NELL1: variants seen among roughly 807,000 people sequenced by gnomAD.
The protein encoded by NELL1 is neural EGFL like 1, also known as protein kinase C-binding protein NELL1.
Under a neutral mutation model 107.4 loss-of-function variants are expected in NELL1, and 76 were observed. That is an observed-to-expected ratio of 0.71 (90% CI 0.59 to 0.86). The LOEUF (loss-of-function observed/expected upper bound fraction) is 0.86. NELL1 is among the 40% of genes least tolerant of loss of function. NELL1 has a pLI of 0.00. For synonymous variants in NELL1, 353 were observed against 341.2 expected (o/e 1.03, Z -0.38); for missense variants, 1,024 against 1,005.5 (o/e 1.02, Z -0.25).
chr11:21,098,941 A>AT (rs5790160), intron 12 of NELL1, among the ~76,000 whole-genome samples: 38,863 of 151,684 alleles, frequency 0.26, 5,428 homozygotes, highest in South Asian at 0.37. Context: ...TGATCTCAGC[A>AT]TTTTTTAACC....
chr11:20,715,059 T>C (rs569518079), intron 2 of NELL1, among the ~76,000 whole-genome samples: 291 of 151,984 alleles, frequency 1.9e-3, no homozygotes, highest in East Asian at 8.9e-3. Flanking sequence ...CTGGCTAACA[T>C]GGTGAAACCC....
chr11:21,503,209 C>T (rs532064832), intron 15 of NELL1, among the ~76,000 whole-genome samples: 3 of 152,214 alleles, frequency 2.0e-5, no homozygotes, highest in Admixed American at 6.5e-5. Flanking sequence ...ACTTTGTTCG[C>T]AAAGACAGAA....
rs1045749313 is a variant in NELL1 at position 21,061,992 on chromosome 11, A to T, written c.1301-51597A>T. On this transcript the variant is annotated intron_variant, in intron 12 of 19. Transcript: ENST00000357134. ...GTGAGTTAGGCAGGACTTGCCTCAG[A>T]CCATACATTCTCCAGATTGTCTACT... is the stretch of plus-strand genomic sequence containing the variant. Among the ~76,000 whole-genome samples the T allele has an allele frequency of 2.6e-5, 4 of 152,252 alleles. No individual in the cohort carries two copies. The East Asian group carries it at 7.7e-4, about 29-fold the overall frequency.
chr11:20,860,005 A>T (rs1848950621), intron 4 of NELL1, among the ~76,000 whole-genome samples: 1 of 152,156 alleles, frequency 6.6e-6, no homozygotes, highest in African/African-American at 2.4e-5. Context: ...GCTTACAAAA[A>T]TTGTGTATAG....
chr11:21,046,677 ATTATTTATTTATTTATTTAT>A lies in NELL1; in HGVS notation c.1301-66891_1301-66872del, dbSNP rs34098589. On this transcript the variant is annotated intron_variant, in intron 12 of 19. Transcript: ENST00000357134. ...GCAGCTTTGCCCATTTATTTACTCA[ATTATTTATTTATTTATTTAT>A]TTATTTATTTATTTATTTATATTGA... is the stretch of plus-strand genomic sequence containing the variant. Among the ~76,000 whole-genome samples the A allele has an allele frequency of 5.6e-5, 8 of 143,616 alleles. No individual in the cohort carries two copies. The South Asian group carries it at 6.7e-4, about 12-fold the overall frequency. 94.2% of individuals were successfully genotyped at this position (143,616 alleles called of 152,430 possible).
intron 14 of NELL1, chr11:21,262,691 T>C (rs1487984488): frequency 6.6e-6 from 1 of 151,886 alleles, no homozygotes; most frequent in Non-Finnish European, 1.5e-5. Context: ...TTATCTTTGG[T>C]TTTGAAATCC....
At chr11:21,152,562 A>G (rs1856142336) in intron 13 of NELL1, among the ~76,000 whole-genome samples, 1 of 152,140 alleles carries the variant, frequency 6.6e-6, no homozygotes, top group South Asian at 2.1e-4. Flanking sequence ...GGCCTATAAT[A>G]ATGTTGACCT....
At position 20,937,892 on chromosome 11, in the gene NELL1, T is replaced by C. The variant is rs1478335655; in HGVS notation, c.1071+33T>C. ...TTAATTTTATGGTCCCTATCACTTCTGGAAAATGAATAGATAGATGTGTGG... is the reference window on the plus strand; with the variant it reads ...TTAATTTTATGGTCCCTATCACTTCCGGAAAATGAATAGATAGATGTGTGG... On this transcript the variant is annotated intron_variant, in intron 10 of 19. Transcript: ENST00000357134. 10 of 1,593,356 alleles carry C rather than the reference T, an allele frequency of 6.3e-6. No homozygotes were observed. In the East Asian group the frequency reaches 1.6e-4, roughly 25 times the overall value.
At chr11:21,273,901 A>G (rs564885385) in intron 14 of NELL1, among the ~76,000 whole-genome samples, 1 of 152,346 alleles carries the variant, frequency 6.6e-6, no homozygotes, top group Non-Finnish European at 1.5e-5. Flanking sequence ...TCCTGAAGGA[A>G]GCACTAAACA....
intron 12 of NELL1, among the ~76,000 whole-genome samples, chr11:21,099,554 G>T (rs538552087): frequency 1.3e-5 from 2 of 152,270 alleles, no homozygotes; most frequent in South Asian, 4.1e-4. Flanking sequence ...AACCTGTCAA[G>T]AATGGCTTCC....
intron 2 of NELL1, among the ~76,000 whole-genome samples, chr11:20,763,408 T>C (rs146549615): frequency 3.3e-5 from 5 of 152,304 alleles, no homozygotes; most frequent in African/African-American, 1.2e-4. Flanking sequence ...GTGTGGATTC[T>C]GGGATAGAAA....
At chr11:21,378,491 G>T (rs940770050) in intron 15 of NELL1, among the ~76,000 whole-genome samples, 3 of 151,762 alleles carry the variant, frequency 2.0e-5, no homozygotes, top group African/African-American at 7.3e-5. Flanking sequence ...TACAGTCTTA[G>T]GAACCAGGTT....
At chr11:21,302,999 T>G (rs1029481564) in intron 14 of NELL1, among the ~76,000 whole-genome samples, 1 of 151,878 alleles carries the variant, frequency 6.6e-6, no homozygotes, top group Admixed American at 6.6e-5. Context: ...TATTTGAGAA[T>G]AGAGCAAGCC....
intron 14 of NELL1, among the ~76,000 whole-genome samples, chr11:21,340,789 C>T (rs1280997922): frequency 6.6e-6 from 1 of 152,104 alleles, no homozygotes; most frequent in African/African-American, 2.4e-5. Flanking sequence ...GAAAATGGCC[C>T]TCCTTTGTAG....
chr11:20,927,258 G>T (rs763278510), intron 7 of NELL1, 50 bp from the exon 8 acceptor site: 1 of 1,559,240 alleles, frequency 6.4e-7, no homozygotes, highest in South Asian at 1.2e-5. Context: ...GCTTTGTTAG[G>T]ATGATGCAAT....
chr11:21,488,908 T>C (rs551784916), intron 15 of NELL1, among the ~76,000 whole-genome samples: 1 of 151,806 alleles, frequency 6.6e-6, no homozygotes, highest in East Asian at 1.9e-4. Context: ...AAGCACAAAA[T>C]TAGCAGAAGG....
intron 2 of NELL1, among the ~76,000 whole-genome samples, chr11:20,701,117 C>T (rs964271049): frequency 5.3e-5 from 8 of 152,102 alleles, no homozygotes; most frequent in South Asian, 2.1e-4. Context: ...TAGTTTACAG[C>T]CCCACCAACA....
intron 12 of NELL1, among the ~76,000 whole-genome samples, chr11:21,101,681 G>A (rs1404758063): frequency 6.6e-6 from 1 of 151,968 alleles, no homozygotes; most frequent in Non-Finnish European, 1.5e-5. Context: ...CTTTTTGATG[G>A]GGTTGTTTGT....
chr11:20,843,493 A>G (rs1378860821), intron 3 of NELL1, among the ~76,000 whole-genome samples: 6 of 122,798 alleles, frequency 4.9e-5, no homozygotes, highest in African/African-American at 1.0e-4. Flanking sequence ...ACTCTTGTAC[A>G]CAGAAGCCAC....
Sources: gnomAD v4.1 joint callset for allele counts (sites outside exome capture counted in the v4.1 genomes callset) on GRCh38, gnomAD v4.1.1 for gene constraint, MANE v1.5 for transcripts, NCBI Gene and HGNC (gene_info 2026-07-23, HGNC 2026-07-21) for gene names.